The following TTC7B variants were observed in gnomAD, a reference collection of about 807,000 sequenced individuals.
TTC7B encodes tetratricopeptide repeat domain 7B, also known as tetratricopeptide repeat protein 7B.
Under a neutral mutation model 106.8 loss-of-function variants are expected in TTC7B, and 28 were observed. The ratio of observed to expected loss-of-function variants is 0.26; its 90% CI spans 0.19 to 0.36. The LOEUF is 0.36. TTC7B is among the 10% of genes least tolerant of loss of function. The pLI, the probability that TTC7B is intolerant of heterozygous loss-of-function variation, is 1.00. For synonymous variants in TTC7B, 405 were observed against 430.6 expected (o/e 0.94, Z 0.74); for missense variants, 862 against 1,076.4 (o/e 0.80, Z 2.79).
chr14:90,766,363 A>ATT (rs1191710973), intron 3 of TTC7B, among the ~76,000 whole-genome samples: 1 of 152,212 alleles, frequency 6.6e-6, no homozygotes, highest in Non-Finnish European at 1.5e-5. Context: ...CCAGACAAAG[A>ATT]AACACCCATT....
At chr14:90,814,110 C>T (rs1228407576) in intron 1 of TTC7B, among the ~76,000 whole-genome samples, 1 of 152,156 alleles carries the variant, frequency 6.6e-6, no homozygotes, top group Non-Finnish European at 1.5e-5. Context: ...CATGAGTTTC[C>T]CCAAACTGAA....
At chr14:90,758,482 G>A (rs1381808920) in intron 3 of TTC7B, among the ~76,000 whole-genome samples, 1 of 151,274 alleles carries the variant, frequency 6.6e-6, no homozygotes, top group Non-Finnish European at 1.5e-5. Context: ...GGGCAGGGGG[G>A]GCACGGTCCC....
rs534173528 is a variant in TTC7B, at chr14:90,555,180, C to G, written c.2311-13591G>C. 1.2e-4 allele frequency among the ~76,000 whole-genome samples: 19 copies of G among 152,320 alleles called. 1 individual carries two copies. Among genetic ancestry groups the G allele is most frequent in the Admixed American group, 7.2e-4 (11 of 15,298 alleles). On this transcript the variant is annotated intron_variant, in intron 19 of 19. Coordinates refer to ENST00000328459, the MANE Select transcript of TTC7B (RefSeq NM_001010854.2). ...TTAGGGACCAGGAAACACATTCCAA[C>G]AGTCCTTCCCTGATGGTCAGCTGAC...
intron 5 of TTC7B, among the ~76,000 whole-genome samples, chr14:90,709,050 G>C (rs1595304563): frequency 2.0e-5 from 3 of 151,792 alleles, no homozygotes; most frequent in East Asian, 3.9e-4. Context: ...GTGCTGGAGA[G>C]GATGTGGAGA....
Position 90,539,488 on chromosome 14 carries a change from T to C in TTC7B, c.*1880A>G, listed in dbSNP as rs902841775. ...CCTACATTGCAAATTCCATGACTTA[T>C]GACCACTCAAAGCCACAAGTGCTGC... On this transcript the variant is annotated 3_prime_UTR_variant, in exon 20 of 20. Transcript: ENST00000328459. 1 of 152,464 alleles carries C rather than the reference T, an allele frequency of 6.6e-6. No homozygotes were observed. The highest frequency in any genetic ancestry group is 1.5e-5 in the Non-Finnish European group (1 of 68,204). 9.4% of individuals were successfully genotyped at this position (152,464 alleles called of 1,614,324 possible).
At chr14:90,779,572 G>A (rs1333486310) in intron 3 of TTC7B, among the ~76,000 whole-genome samples, 1 of 152,200 alleles carries the variant, frequency 6.6e-6, no homozygotes, top group Non-Finnish European at 1.5e-5. Context: ...CCAAAGTGCT[G>A]GGATTACAGG....
chr14:90,690,164 G>A (rs571420383), intron 6 of TTC7B, among the ~76,000 whole-genome samples: 2 of 152,290 alleles, frequency 1.3e-5, no homozygotes, highest in African/African-American at 4.8e-5. Context: ...ACAATCCGAT[G>A]TCCACTGTAG....
At chr14:90,653,076 C>A (rs558466585) in intron 12 of TTC7B, among the ~76,000 whole-genome samples, 178 bp from the exon 13 acceptor site, 1 of 152,228 alleles carries the variant, frequency 6.6e-6, no homozygotes, top group South Asian at 2.1e-4. Flanking sequence ...AGTCCTACCC[C>A]CAAGGTGCCT....
At position 90,618,003 on chromosome 14, in the gene TTC7B, G is replaced by C. The variant is rs375999868; in HGVS notation, c.1794C>G (p.Gly598=). The change falls in exon 16 of 20, where the codon GGC becomes GGG. Residue 598 remains glycine, a synonymous_variant. Coordinates refer to ENST00000328459, the MANE Select transcript of TTC7B (RefSeq NM_001010854.2). Reference sequence around the variant, plus strand: ...TACAAGTCAGCAGTGCCTCGTCCGGGCCTCGGCAGAGTGACTGCAACTTCA... The same window carrying C: ...TACAAGTCAGCAGTGCCTCGTCCGGCCCTCGGCAGAGTGACTGCAACTTCA... The part of the protein sequence containing the change: ...SKVKLQSLCR[G]PDEALLTCKH... 1 of 1,613,888 alleles carries C rather than the reference G, an allele frequency of 6.2e-7. No homozygotes were observed. The highest frequency in any genetic ancestry group is 1.3e-5 in the African/African-American group (1 of 75,036).
intron 9 of TTC7B, among the ~76,000 whole-genome samples, chr14:90,665,136 C>G (rs1886360552): frequency 6.6e-6 from 1 of 152,146 alleles, no homozygotes; most frequent in Non-Finnish European, 1.5e-5. Flanking sequence ...CACAAAACAG[C>G]AGGTGACATC....
intron 4 of TTC7B, among the ~76,000 whole-genome samples, chr14:90,736,040 T>C (rs991229975): frequency 6.6e-6 from 1 of 152,086 alleles, no homozygotes; most frequent in Non-Finnish European, 1.5e-5. Context: ...CAGAATTTTA[T>C]TGAATGACTA....
rs372242830 is a variant in TTC7B, at chr14:90,751,146, T to A, written c.446-6224A>T. Among the ~76,000 whole-genome samples, 18 of 152,320 alleles carry A rather than the reference T, an allele frequency of 1.2e-4. 1 individual carries two copies. In the East Asian group the frequency reaches 2.9e-3, roughly 24 times the overall value. The stretch of plus-strand genomic sequence containing the variant: ...TTGAAAAACAGTGGTATGACAGCAA[T>A]GCCTAGTAAACATCTCAATAAGATC... On this transcript the variant is annotated intron_variant, in intron 3 of 19. Coordinates refer to ENST00000328459, the MANE Select transcript of TTC7B (RefSeq NM_001010854.2).
rs77974835 is a variant in TTC7B at position 90,680,006 on chromosome 14, A to G, written c.1014+466T>C. On this transcript the variant is annotated intron_variant, in intron 8 of 19. Transcript: ENST00000328459. Reference sequence around the variant, plus strand: ...GGGCAGGAGGATGAGAGTTTCATCAAGCTCCTGCTGTGAAGACCAGAGCTT... The same window carrying G: ...GGGCAGGAGGATGAGAGTTTCATCAGGCTCCTGCTGTGAAGACCAGAGCTT... Among the ~76,000 whole-genome samples the G allele has an allele frequency of 1.6e-3, 245 of 152,354 alleles. 2 individuals are homozygous for G. Among genetic ancestry groups the G allele is most frequent in the South Asian group, 3.3e-3 (16 of 4,832 alleles).
chr14:90,591,207 G>A (rs529729347), intron 18 of TTC7B, among the ~76,000 whole-genome samples: 4 of 152,254 alleles, frequency 2.6e-5, no homozygotes, highest in Admixed American at 1.3e-4. Context: ...GGAGCATGGT[G>A]GCAGGCACCT....
At chr14:90,750,593 T>C (rs1180723172) in intron 3 of TTC7B, among the ~76,000 whole-genome samples, 2 of 152,202 alleles carry the variant, frequency 1.3e-5, no homozygotes, top group East Asian at 3.8e-4. Context: ...CTACACAACT[T>C]AATCCTCCAC....
chr14:90,643,905 GA>G (rs1457109225), intron 15 of TTC7B, 142 bp downstream of exon 15: 15 of 1,101,178 alleles, frequency 1.4e-5, no homozygotes, highest in Non-Finnish European at 1.8e-5. Flanking sequence ...TTAATATCAG[GA>G]AAAAATAACA....
chr14:90,751,693 G>A (rs768344352), intron 3 of TTC7B, among the ~76,000 whole-genome samples: 1 of 152,112 alleles, frequency 6.6e-6, no homozygotes, highest in African/African-American at 2.4e-5. Flanking sequence ...GCCTCCCAAA[G>A]TGTTGGGATT....
chr14:90,614,345 G>A (rs1204818699), intron 16 of TTC7B, among the ~76,000 whole-genome samples: 1 of 152,204 alleles, frequency 6.6e-6, no homozygotes, highest in Non-Finnish European at 1.5e-5. Flanking sequence ...GTGACTGTAA[G>A]GATGAAATGG....
chr14:90,574,363 T>C (rs1331499368), intron 19 of TTC7B, among the ~76,000 whole-genome samples: 2 of 152,220 alleles, frequency 1.3e-5, no homozygotes, highest in East Asian at 3.8e-4. Flanking sequence ...CAACTCCTTA[T>C]CCCTCTAGCA....
Sources: allele counts gnomAD v4.1 joint callset (sites outside exome capture counted in the v4.1 genomes callset), GRCh38; gene constraint gnomAD v4.1.1; transcripts MANE v1.5; gene names NCBI Gene and HGNC (gene_info 2026-07-23, HGNC 2026-07-21).